Variants in CCSER1 observed in about 807,000 individuals in gnomAD.
The protein encoded by CCSER1 is coiled-coil serine rich protein 1.
CCSER1 carries 41 observed loss-of-function variants against 82.0 expected under a neutral mutation model. The ratio of observed to expected loss-of-function variants is 0.50; its 90% CI spans 0.39 to 0.65. The LOEUF (loss-of-function observed/expected upper bound fraction) is 0.65. Ranked by LOEUF, CCSER1 falls within the 30% of genes least tolerant of loss-of-function variation. The pLI is 0.00. For missense variants in CCSER1, 1,119 were observed against 1,064.2 expected, an observed-to-expected ratio of 1.05 and a Z score of -0.72; for synonymous variants, 414 against 383.9, an observed-to-expected ratio of 1.08 and a Z score of -0.92.
At chr4:90,332,447 G>A (rs1739483419) in intron 3 of CCSER1, among the ~76,000 whole-genome samples, 1 of 151,962 alleles carries the variant, frequency 6.6e-6, no homozygotes, top group African/African-American at 2.4e-5. Context: ...TGTTGGTCAG[G>A]CTGGTCTCAA....
chr4:90,341,805 C>T (rs1741428208), intron 3 of CCSER1, among the ~76,000 whole-genome samples: 1 of 152,018 alleles, frequency 6.6e-6, no homozygotes, highest in African/African-American at 2.4e-5. Context: ...CCTGAATCTG[C>T]CTTAATCATG....
intron 8 of CCSER1, among the ~76,000 whole-genome samples, chr4:90,919,015 A>T (rs2150232631): frequency 6.8e-6 from 1 of 148,008 alleles, no homozygotes; most frequent in South Asian, 2.2e-4. Context: ...TTATATTAGT[A>T]GGCATTCTGT....
At chr4:91,425,172 G>A (rs1049068844) in intron 10 of CCSER1, among the ~76,000 whole-genome samples, 5 of 152,130 alleles carry the variant, frequency 3.3e-5, no homozygotes, top group Non-Finnish European at 7.4e-5. Flanking sequence ...CCTGGCTTAA[G>A]AGAAAGAAGA....
At chr4:91,060,945 T>C (rs1333869489) in intron 9 of CCSER1, among the ~76,000 whole-genome samples, 1 of 152,092 alleles carries the variant, frequency 6.6e-6, no homozygotes, top group Non-Finnish European at 1.5e-5. Flanking sequence ...TTGTTGGTTT[T>C]TGATACACGT....
At chr4:90,425,926 A>T (rs538102157) in intron 4 of CCSER1, among the ~76,000 whole-genome samples, 2,613 of 151,356 alleles carry the variant, frequency 0.017, 34 homozygotes, top group African/African-American at 0.038. Flanking sequence ...TTTTTTTTAA[A>T]AAAAAAACGT....
intron 10 of CCSER1, among the ~76,000 whole-genome samples, chr4:91,320,051 C>T (rs1186952627): frequency 6.6e-6 from 1 of 152,008 alleles, no homozygotes; most frequent in African/African-American, 2.4e-5. Context: ...TCTGTGCTAC[C>T]TGCCCTAGCC....
chr4:91,214,737 A>G (rs191204097), intron 10 of CCSER1, among the ~76,000 whole-genome samples: 1 of 152,298 alleles, frequency 6.6e-6, no homozygotes, highest in African/African-American at 2.4e-5. Flanking sequence ...AGAAAATGAG[A>G]CATTTCTTCA....
intron 9 of CCSER1, among the ~76,000 whole-genome samples, chr4:90,996,217 A>G (rs1398695451): frequency 1.3e-5 from 2 of 152,118 alleles, no homozygotes; most frequent in Non-Finnish European, 2.9e-5. Context: ...TGTGTCGTAG[A>G]AAGGTAGGCA....
intron 10 of CCSER1, among the ~76,000 whole-genome samples, chr4:91,095,794 G>A (rs549909843): frequency 9.2e-5 from 14 of 151,940 alleles, no homozygotes; most frequent in East Asian, 5.8e-4. Flanking sequence ...TCCCAGTATC[G>A]TTTTAACCTC....
At chr4:90,452,010 T>C (rs1560538474) in intron 4 of CCSER1, among the ~76,000 whole-genome samples, 1 of 152,154 alleles carries the variant, frequency 6.6e-6, no homozygotes, top group Non-Finnish European at 1.5e-5. Flanking sequence ...AAATGTTAAC[T>C]GCTTTCCCCT....
At chr4:91,229,075 G>T in intron 10 of CCSER1, among the ~76,000 whole-genome samples, 1 of 152,132 alleles carries the variant, frequency 6.6e-6, no homozygotes, top group East Asian at 1.9e-4. Context: ...ATCATCATTT[G>T]TGTGGCCAAT....
chr4:91,064,166 G>T (rs768352303), intron 9 of CCSER1, among the ~76,000 whole-genome samples: 27 of 152,082 alleles, frequency 1.8e-4, no homozygotes, highest in Admixed American at 1.2e-3. Context: ...TGTAACATTG[G>T]GTTATTCAGC....
At chr4:90,280,852 C>T (rs995099196) in intron 1 of CCSER1, among the ~76,000 whole-genome samples, 1 of 151,852 alleles carries the variant, frequency 6.6e-6, no homozygotes. Flanking sequence ...ATAATAGAGT[C>T]GTATTTCAGC....
At chr4:90,366,687 A>G (rs1411984788) in intron 3 of CCSER1, among the ~76,000 whole-genome samples, 1 of 151,826 alleles carries the variant, frequency 6.6e-6, no homozygotes, top group Non-Finnish European at 1.5e-5. Flanking sequence ...TAAACACAAC[A>G]TTTGAGGTAA....
intron 4 of CCSER1, among the ~76,000 whole-genome samples, chr4:90,426,254 A>T (rs1757514156): frequency 6.6e-6 from 1 of 152,220 alleles, no homozygotes. Flanking sequence ...TTACAGTTAT[A>T]TCACTATTCA....
At chr4:90,707,195 A>T (rs1488893142) in intron 6 of CCSER1, among the ~76,000 whole-genome samples, 1 of 151,792 alleles carries the variant, frequency 6.6e-6, no homozygotes, top group Admixed American at 6.6e-5. Flanking sequence ...CCATGTTTAG[A>T]CACATAGCTT....
intron 6 of CCSER1, among the ~76,000 whole-genome samples, chr4:90,713,466 T>C (rs1297386315): frequency 1.3e-5 from 2 of 152,066 alleles, no homozygotes; most frequent in Non-Finnish European, 2.9e-5. Context: ...TGCTGAATAT[T>C]GGCCCCCACT....
At chr4:91,079,537 A>G (rs983555619) in intron 9 of CCSER1, among the ~76,000 whole-genome samples, 5 of 152,196 alleles carry the variant, frequency 3.3e-5, no homozygotes, top group Non-Finnish European at 7.3e-5. Context: ...ACCAGCTAAC[A>G]TCATAATGAC....
chr4:91,300,192 A>T (rs953662502), intron 10 of CCSER1, among the ~76,000 whole-genome samples: 3 of 151,988 alleles, frequency 2.0e-5, no homozygotes, highest in Admixed American at 1.3e-4. Context: ...AGCAATATTT[A>T]TATGATCACA....
Sources: allele counts gnomAD v4.1 joint callset (sites outside exome capture counted in the v4.1 genomes callset), GRCh38; gene constraint gnomAD v4.1.1; transcripts MANE v1.5; gene names NCBI Gene and HGNC (gene_info 2026-07-23, HGNC 2026-07-21).